CD226: variants seen among roughly 807,000 people sequenced by gnomAD.
CD226 encodes the protein CD226 molecule.
In CD226, 24 loss-of-function variants were observed where a neutral mutation model predicts 34.9. The observed-to-expected ratio is 0.69, with a 90% CI of 0.50 to 0.97. The LOEUF (loss-of-function observed/expected upper bound fraction) is 0.97, where lower values mean the gene tolerates loss of function less well. Among genes scored for constraint, CD226 ranks in the 50% least tolerant of loss-of-function variants. The pLI is 0.00. For missense variants in CD226, 397 were observed against 412.7 expected (o/e 0.96, Z 0.33); for synonymous variants, 148 against 147.4 (o/e 1.00, Z -0.03).
chr18:69,924,418 G>A (rs994642777), intron 2 of CD226, among the ~76,000 whole-genome samples: 13 of 151,790 alleles, frequency 8.6e-5, no homozygotes, highest in South Asian at 4.2e-4. Flanking sequence ...TGACTAGAAA[G>A]GCAAAGTCAA....
intron 4 of CD226, among the ~76,000 whole-genome samples, chr18:69,871,652 C>A (rs1421909885): frequency 6.6e-6 from 1 of 152,218 alleles, no homozygotes; most frequent in Non-Finnish European, 1.5e-5. Flanking sequence ...CATAGGAATG[C>A]AGCCAAATGT....
At chr18:69,938,155 G>A (rs2055678295) in intron 2 of CD226, among the ~76,000 whole-genome samples, 1 of 152,202 alleles carries the variant, frequency 6.6e-6, no homozygotes, top group African/African-American at 2.4e-5. Context: ...GGAGATCACA[G>A]AGTCAGCAAA....
rs1431141671 is a variant in CD226, at chr18:69,859,756, T to C, written c.*4558A>G. On this transcript the variant is annotated 3_prime_UTR_variant, in exon 6 of 6. Transcript: ENST00000582621. ...AAAACCTGTAAAGCCCTTTGACCCT[T>C]TGCACTACATGCACTTATAAAATAC... The C allele has an allele frequency of 6.6e-6, 1 of 152,140 alleles. No homozygotes were observed. The highest frequency in any genetic ancestry group is 6.6e-5 in the Admixed American group (1 of 15,266). 9.4% of individuals were successfully genotyped at this position (152,140 alleles called of 1,614,324 possible). A position where few individuals can be genotyped will look rare whatever the true frequency, so the allele number is the denominator to read the frequency against.
chr18:69,857,740 G>C lies in CD226; in HGVS notation c.*6574C>G, dbSNP rs994267011. ...TATGCTTGGTATTTTAAACTCATGA[G>C]AACTTAGTCTAGAAAGGGCCTCCAC... On this transcript the variant is annotated 3_prime_UTR_variant, in exon 6 of 6. Coordinates refer to ENST00000582621, the MANE Select transcript of CD226 (RefSeq NM_001303618.2). 1.3e-5 allele frequency: 2 copies of C among 152,160 alleles called. No individual in the cohort carries two copies. Among genetic ancestry groups the C allele is most frequent in the Admixed American group, 6.5e-5 (1 of 15,282 alleles). 9.4% of individuals were successfully genotyped at this position (152,160 alleles called of 1,614,324 possible).
chr18:69,919,019 G>A (rs2055419005), intron 2 of CD226, among the ~76,000 whole-genome samples: 1 of 152,168 alleles, frequency 6.6e-6, no homozygotes, highest in Admixed American at 6.5e-5. Flanking sequence ...GAAATGGAAA[G>A]ATGAAGAAGT....
chr18:69,922,040 A>G (rs1196299468), intron 2 of CD226, among the ~76,000 whole-genome samples: 1 of 152,210 alleles, frequency 6.6e-6, no homozygotes, highest in Non-Finnish European at 1.5e-5. Flanking sequence ...TCCCCATGAT[A>G]AAGGACTAGT....
rs181761407 is a variant in CD226 at position 69,887,928 on chromosome 18, T to G, written c.727+7773A>C. 3.9e-5 allele frequency among the ~76,000 whole-genome samples: 6 copies of G among 152,308 alleles called. No homozygotes were observed. The East Asian group carries it at 5.8e-4, about 15-fold the overall frequency. ...AATCATTTTAGTATAAATAATAGCT[T>G]AAAGATAGAAATTGGGGTTCAAAGA... On this transcript the variant is annotated intron_variant, in intron 3 of 5. Transcript: ENST00000582621.
intron 2 of CD226, among the ~76,000 whole-genome samples, chr18:69,934,279 T>TACATACACACACACACACACACAC (rs1555684029): frequency 1.6e-4 from 12 of 73,214 alleles, no homozygotes; most frequent in African/African-American, 3.2e-4. Context: ...ACACAGAGGA[T>TACATACACACACACACACACACAC]ACACACACAC....
chr18:69,928,301 C>G (rs1452619495), intron 2 of CD226, among the ~76,000 whole-genome samples: 1 of 152,192 alleles, frequency 6.6e-6, no homozygotes, highest in Non-Finnish European at 1.5e-5. Flanking sequence ...CACCCCAACT[C>G]TTTTGCTGTT....
chr18:69,874,602 A>AGCCT (rs1346372655), intron 3 of CD226, among the ~76,000 whole-genome samples: 1 of 152,196 alleles, frequency 6.6e-6, no homozygotes, highest in Non-Finnish European at 1.5e-5. Flanking sequence ...ATCCTATTGC[A>AGCCT]GCCTGAAAAC....
At chr18:69,934,037 G>C (rs2055620375) in intron 2 of CD226, among the ~76,000 whole-genome samples, 1 of 152,122 alleles carries the variant, frequency 6.6e-6, no homozygotes, top group Non-Finnish European at 1.5e-5. Context: ...CTGATGTCAG[G>C]AGTTAATGGG....
intron 2 of CD226, among the ~76,000 whole-genome samples, chr18:69,940,219 T>C (rs939513094): frequency 2.0e-5 from 3 of 152,230 alleles, no homozygotes; most frequent in South Asian, 2.1e-4. Flanking sequence ...TCCCCACCCA[T>C]ACTGAACTGA....
Position 69,947,417 on chromosome 18 carries a change from T to G in CD226, c.-11A>C. ...AGTAGGATAATCCATCTCTGGAAAC[T>G]GTTTGAAAGGCTGGTTCTATTAAAA... On this transcript the variant is annotated 5_prime_UTR_variant, in exon 1 of 6. Transcript: ENST00000582621. The G allele has an allele frequency of 6.3e-7, 1 of 1,577,820 alleles. No individual in the cohort carries two copies. Among genetic ancestry groups the G allele is most frequent in the South Asian group, 1.2e-5 (1 of 85,942 alleles).
Position 69,859,700 on chromosome 18 carries a change from T to C in CD226, c.*4614A>G, listed in dbSNP as rs528657555. 1.3e-5 allele frequency: 2 copies of C among 152,260 alleles called. No individual in the cohort carries two copies. Among genetic ancestry groups the C allele is most frequent in the African/African-American group, 4.8e-5 (2 of 41,572 alleles). 9.4% of individuals were successfully genotyped at this position (152,260 alleles called of 1,614,324 possible). ...AATGAGGAAGGGCAAGGGACTACTATGTTTCGGGAAAAACAAAAACAAACA... is the reference window on the plus strand; with the variant it reads ...AATGAGGAAGGGCAAGGGACTACTACGTTTCGGGAAAAACAAAAACAAACA... On this transcript the variant is annotated 3_prime_UTR_variant, in exon 6 of 6. Coordinates refer to ENST00000582621, the MANE Select transcript of CD226 (RefSeq NM_001303618.2).
chr18:69,898,420 G>C (rs895389063), intron 2 of CD226, among the ~76,000 whole-genome samples: 2 of 152,120 alleles, frequency 1.3e-5, no homozygotes, highest in Non-Finnish European at 2.9e-5. Context: ...TGAACCTGCC[G>C]ACTCAGGTAG....
Position 69,923,154 on chromosome 18 carries a change from G to C in CD226, c.382+23580C>G, listed in dbSNP as rs115315049. 4.8e-3 allele frequency among the ~76,000 whole-genome samples: 702 copies of C among 147,322 alleles called. 2 individuals are homozygous for C. The highest frequency in any genetic ancestry group is 0.017 in the African/African-American group (661 of 39,774). On this transcript the variant is annotated intron_variant, in intron 2 of 5. Transcript: ENST00000582621. Reference sequence around the variant, plus strand: ...TCAAAAAAGTCAAAGAAGAAAGAAAGAAAGAGAGAAAGAGAAAAAGAGAGA... The same window carrying C: ...TCAAAAAAGTCAAAGAAGAAAGAAACAAAGAGAGAAAGAGAAAAAGAGAGA...
chr18:69,950,919 C>T (rs78461200), upstream of CD226, among the ~76,000 whole-genome samples: 5 of 151,930 alleles, frequency 3.3e-5, no homozygotes, highest in African/African-American at 7.3e-5. Flanking sequence ...CCTTTCCACA[C>T]GCCACAGAGA....
intron 2 of CD226, among the ~76,000 whole-genome samples, chr18:69,933,583 A>G (rs753997585): frequency 1.3e-5 from 2 of 152,228 alleles, no homozygotes; most frequent in African/African-American, 4.8e-5. Flanking sequence ...AACGTTTTAC[A>G]TGGCGTATAG....
chr18:69,955,823 A>G (rs894619721), intron 1 of CD226, among the ~76,000 whole-genome samples: 3 of 137,648 alleles, frequency 2.2e-5, no homozygotes, highest in African/African-American at 8.0e-5. Flanking sequence ...ACATCGCACC[A>G]CTGCACTCCA....
Sources: gnomAD v4.1 joint callset for allele counts (sites outside exome capture counted in the v4.1 genomes callset) on GRCh38, gnomAD v4.1.1 for gene constraint, MANE v1.5 for transcripts, NCBI Gene and HGNC (gene_info 2026-07-23, HGNC 2026-07-21) for gene names.